Variants in WLS observed in about 807,000 individuals in gnomAD.
WLS encodes the protein protein wntless homolog.
Under a neutral mutation model 62.8 loss-of-function variants are expected in WLS, and 23 were observed. The observed-to-expected ratio is 0.37, with a 90% confidence interval of 0.26 to 0.52. The LOEUF is 0.52. WLS is among the 20% of genes least tolerant of loss of function. The probability of loss-of-function intolerance (pLI) is 0.92; values close to 1 mark genes in which losing one functional copy is unlikely to be tolerated. For synonymous variants in WLS, 246 were observed against 244.1 expected, an observed-to-expected ratio of 1.01 and a Z score of -0.07; for missense variants, 615 against 697.3, an observed-to-expected ratio of 0.88 and a Z score of 1.33.
chr1:68,159,131 A>T lies in WLS; in HGVS notation c.496T>A (p.Ser166Thr). ...ACAGCAAGGGGTCATACCTTGGGAG[A>T]TGTGAAGGTGCATTTGAGTTTCCGT... ...VPRKLKCTFT[S>T]PKTPEHEGRY... is the part of the protein sequence containing the mutation. Residue 166 changes from serine to threonine, a missense_variant, in exon 3 of 12, where the codon TCT becomes ACT. Coordinates refer to ENST00000262348, the MANE Select transcript of WLS (RefSeq NM_024911.7). 1 of 1,614,032 alleles carries T rather than the reference A, an allele frequency of 6.2e-7. No homozygotes were observed. Among genetic ancestry groups the T allele is most frequent in the South Asian group, 1.1e-5 (1 of 91,062 alleles).
At chr1:68,113,667 T>C (rs967075558) in intron 11 of WLS, among the ~76,000 whole-genome samples, 5 of 152,186 alleles carry the variant, frequency 3.3e-5, no homozygotes, top group African/African-American at 9.7e-5. Flanking sequence ...GTCTGGTGTG[T>C]GGAGCAGCTG....
At chr1:68,216,872 T>C (rs1000623641) in intron 1 of WLS, among the ~76,000 whole-genome samples, 3 of 152,236 alleles carry the variant, frequency 2.0e-5, no homozygotes, top group Non-Finnish European at 4.4e-5. Flanking sequence ...AGCAATATTT[T>C]ATATACTCCA....
intron 1 of WLS, among the ~76,000 whole-genome samples, chr1:68,215,925 A>G (rs1191048670): frequency 6.6e-6 from 1 of 152,164 alleles, no homozygotes; most frequent in African/African-American, 2.4e-5. Flanking sequence ...CTGGGGTTCT[A>G]AAGACCCAGA....
intron 11 of WLS, among the ~76,000 whole-genome samples, chr1:68,101,420 C>T (rs1337201954): frequency 6.6e-6 from 1 of 152,116 alleles, no homozygotes; most frequent in Non-Finnish European, 1.5e-5. Context: ...TGTCCTCTTA[C>T]TCCATGAACT....
intron 2 of WLS, among the ~76,000 whole-genome samples, chr1:68,160,474 C>G (rs1367774173): frequency 6.6e-6 from 1 of 152,082 alleles, no homozygotes; most frequent in East Asian, 1.9e-4. Flanking sequence ...GCAGATAGAA[C>G]CCTGTAGTAA....
At chr1:68,174,323 TTTCATAC>T (rs1647198527) in intron 2 of WLS, among the ~76,000 whole-genome samples, 3 of 152,182 alleles carry the variant, frequency 2.0e-5, no homozygotes, top group Admixed American at 2.0e-4. Context: ...GAAGTATTTG[TTTCATAC>T]GGCTTATGTG....
chr1:68,160,023 A>C (rs1293399167), intron 2 of WLS, among the ~76,000 whole-genome samples: 1 of 145,120 alleles, frequency 6.9e-6, no homozygotes, highest in East Asian at 2.1e-4. Context: ...GCACCTATTA[A>C]TTTTGTCTGT....
At chr1:68,146,447 AG>A (rs1646753685) in intron 8 of WLS, among the ~76,000 whole-genome samples, 1 of 152,188 alleles carries the variant, frequency 6.6e-6, no homozygotes. Context: ...GTAGATCCCC[AG>A]GTCCCTCCCT....
rs1346081783 is a variant in WLS at position 68,231,046 on chromosome 1, TGAAGTAAGGAAACC to T, written c.106+1134_106+1147del. On this transcript the variant is annotated intron_variant, in intron 1 of 11. Coordinates refer to ENST00000262348, the MANE Select transcript of WLS (RefSeq NM_024911.7). The stretch of plus-strand genomic sequence containing the variant: ...CACTCCGCAAAGTTTAACAAAGCCG[TGAAGTAAGGAAACC>T]GAACCTCCCGTCCGCGCCCGCTGCA... Among the ~76,000 whole-genome samples, 3 of 151,940 alleles carry T rather than the reference TGAAGTAAGGAAACC, an allele frequency of 2.0e-5. No individual in the cohort carries two copies. The East Asian group carries it at 5.8e-4, about 29-fold the overall frequency.
intron 10 of WLS, chr1:68,142,809 C>T (rs1422175572): frequency 6.6e-6 from 1 of 152,168 alleles, no homozygotes; most frequent in African/African-American, 2.4e-5. Context: ...TCTAGAGGCT[C>T]CAAACTTGGG....
chr1:68,168,787 C>A (rs566601106), intron 2 of WLS, among the ~76,000 whole-genome samples: 88 of 152,316 alleles, frequency 5.8e-4, no homozygotes, highest in Non-Finnish European at 2.8e-4. Flanking sequence ...CTCTGGCAGA[C>A]ATATAATCTG....
intron 10 of WLS, 133 bp from the exon 11 acceptor site, chr1:68,138,066 C>T: frequency 1.0e-6 from 1 of 1,003,816 alleles, no homozygotes; most frequent in Non-Finnish European, 1.4e-6. Flanking sequence ...CCATGTAAGA[C>T]TCCATCTTTT....
At chr1:68,162,566 C>G in intron 2 of WLS, 1 of 1,566,926 alleles carries the variant, frequency 6.4e-7, no homozygotes, top group Non-Finnish European at 8.8e-7. Context: ...CGGATGCTGG[C>G]CGATCCCGAG....
intron 6 of WLS, 115 bp from the exon 7 acceptor site, chr1:68,148,775 A>G (rs1473056339): frequency 2.3e-6 from 2 of 861,724 alleles, no homozygotes; most frequent in East Asian, 5.5e-5. Flanking sequence ...ATCAAGCACT[A>G]TGCTAGATTC....
chr1:68,160,695 G>A (rs537495228), intron 2 of WLS, among the ~76,000 whole-genome samples: 1 of 152,188 alleles, frequency 6.6e-6, no homozygotes, highest in East Asian at 1.9e-4. Flanking sequence ...ACTTCTGATA[G>A]CCATTATTTT....
At chr1:68,133,049 CA>C (rs371471765) in intron 11 of WLS, among the ~76,000 whole-genome samples, 61,868 of 151,722 alleles carry the variant, frequency 0.41, 12,624 homozygotes, top group East Asian at 0.44. Context: ...GAAAAGGCAG[CA>C]GCAGCAACAG....
intron 1 of WLS, among the ~76,000 whole-genome samples, chr1:68,213,705 C>G (rs919722010): frequency 2.6e-5 from 4 of 152,020 alleles, no homozygotes; most frequent in African/African-American, 7.2e-5. Context: ...AAAAAATTAT[C>G]TGATCTAAAA....
intron 11 of WLS, among the ~76,000 whole-genome samples, chr1:68,129,479 G>A (rs1570846256): frequency 6.6e-6 from 1 of 152,210 alleles, no homozygotes. Flanking sequence ...ACTGTTAGGG[G>A]TTTAGCATGC....
chr1:68,100,100 T>C (rs1646057488), intron 11 of WLS, among the ~76,000 whole-genome samples: 1 of 152,224 alleles, frequency 6.6e-6, no homozygotes. Flanking sequence ...TGGAATTGAA[T>C]TACCTAGATT....
Sources: allele counts gnomAD v4.1 joint callset (sites outside exome capture counted in the v4.1 genomes callset), GRCh38; gene constraint gnomAD v4.1.1; transcripts MANE v1.5; gene names NCBI Gene and HGNC (gene_info 2026-07-23, HGNC 2026-07-21).